PRDM16: variants seen among roughly 807,000 people sequenced by gnomAD.
PRDM16 encodes PR/SET domain 16.
In PRDM16, 23 loss-of-function variants were observed where a neutral mutation model predicts 110.6. The ratio of observed to expected loss-of-function variants is 0.21; its 90% CI spans 0.15 to 0.29. The LOEUF is 0.29. Ranked by LOEUF, PRDM16 falls within the 10% of genes least tolerant of loss-of-function variation. The pLI, the probability that PRDM16 is intolerant of heterozygous loss-of-function variation, is 1.00. For synonymous variants in PRDM16, 799 were observed against 781.8 expected, an observed-to-expected ratio of 1.02 and a Z score of -0.37; for missense variants, 1,615 against 1,794.3, an observed-to-expected ratio of 0.90 and a Z score of 1.81.
intron 14 of PRDM16, among the ~76,000 whole-genome samples, chr1:3,426,450 C>A (rs569694733): frequency 1.3e-5 from 2 of 152,170 alleles, no homozygotes; most frequent in Admixed American, 6.5e-5. Flanking sequence ...AGAGTAAGCA[C>A]CCCTGGGCTT....
At chr1:3,135,106 C>A (rs993735031) in intron 1 of PRDM16, among the ~76,000 whole-genome samples, 1 of 152,212 alleles carries the variant, frequency 6.6e-6, no homozygotes, top group Non-Finnish European at 1.5e-5. Flanking sequence ...CTCGGGAGCT[C>A]GCTCTTTATT....
At chr1:3,301,380 A>C (rs1390344382) in intron 3 of PRDM16, among the ~76,000 whole-genome samples, 1 of 152,024 alleles carries the variant, frequency 6.6e-6, no homozygotes, top group Non-Finnish European at 1.5e-5. Context: ...GGAGGAAAAG[A>C]AAGCTTGCCA....
At chr1:3,394,075 C>A (rs1203291093) in intron 4 of PRDM16, among the ~76,000 whole-genome samples, 2 of 151,898 alleles carry the variant, frequency 1.3e-5, no homozygotes, top group African/African-American at 4.8e-5. Flanking sequence ...CCCTCGGAGC[C>A]GGGGTGGGGT....
intron 1 of PRDM16, among the ~76,000 whole-genome samples, chr1:3,082,284 G>A (rs1483420844): frequency 2.0e-5 from 3 of 152,194 alleles, no homozygotes; most frequent in Non-Finnish European, 2.9e-5. Flanking sequence ...TGTTCCTTGG[G>A]TTCTGCAGGA....
chr1:3,356,422 C>T (rs1642603208), intron 3 of PRDM16, among the ~76,000 whole-genome samples: 1 of 152,222 alleles, frequency 6.6e-6, no homozygotes, highest in South Asian at 2.1e-4. Flanking sequence ...CCCAATCTGC[C>T]CTCCGGGGAG....
chr1:3,217,731 A>G, intron 2 of PRDM16, among the ~76,000 whole-genome samples: 1 of 152,108 alleles, frequency 6.6e-6, no homozygotes, highest in East Asian at 1.9e-4. Flanking sequence ...TTTTTTTTCA[A>G]CACGGGAGAG....
At chr1:3,227,870 A>G (rs577605638) in intron 2 of PRDM16, among the ~76,000 whole-genome samples, 2 of 152,352 alleles carry the variant, frequency 1.3e-5, no homozygotes, top group South Asian at 4.1e-4. Flanking sequence ...GGGGCTTTAG[A>G]GCCGGCGTTC....
rs9424294 is a variant in PRDM16, at chr1:3,381,239, C to T, written c.439-3913C>T. On this transcript the variant is annotated intron_variant, in intron 3 of 16. Transcript: ENST00000270722. ...CATACATTTGCACCATGCAGGAACACGCCCACACACAAGCACACACCCAGA... is the reference window on the plus strand; with the variant it reads ...CATACATTTGCACCATGCAGGAACATGCCCACACACAAGCACACACCCAGA... 4.0e-3 allele frequency among the ~76,000 whole-genome samples: 606 copies of T among 152,274 alleles called. 3 individuals are homozygous for T. Among genetic ancestry groups the T allele is most frequent in the African/African-American group, 0.014 (576 of 41,538 alleles).
chr1:3,260,419 C>A lies in PRDM16; in HGVS notation c.438+16282C>A, dbSNP rs907427366. On this transcript the variant is annotated intron_variant, in intron 3 of 16. Coordinates refer to ENST00000270722, the MANE Select transcript of PRDM16 (RefSeq NM_022114.4). ...AGGCAAAGGGCTCTGTAAGAAAACT[C>A]CTTTATCCTACTGACACCTTAATTT... 3.9e-5 allele frequency among the ~76,000 whole-genome samples: 6 copies of A among 152,166 alleles called. 1 individual carries two copies. Among genetic ancestry groups the A allele is most frequent in the Admixed American group, 3.9e-4 (6 of 15,290 alleles).
At chr1:3,322,969 C>T (rs530425951) in intron 3 of PRDM16, among the ~76,000 whole-genome samples, 1 of 152,322 alleles carries the variant, frequency 6.6e-6, no homozygotes, top group African/African-American at 2.4e-5. Flanking sequence ...CTCTCTAGGC[C>T]CCAGTGCCCA....
rs1482765926 is a variant in PRDM16, at chr1:3,365,429, C to A, written c.439-19723C>A. Reference sequence around the variant, plus strand: ...GAAGGAGAGGCAGTGAGGAGGGGACCTCCTGGCCAATACAAGTGCTCCCTC... The same window carrying A: ...GAAGGAGAGGCAGTGAGGAGGGGACATCCTGGCCAATACAAGTGCTCCCTC... On this transcript the variant is annotated intron_variant, in intron 3 of 16. Transcript: ENST00000270722. Among the ~76,000 whole-genome samples, 4 of 152,334 alleles carry A rather than the reference C, an allele frequency of 2.6e-5. No individual in the cohort carries two copies. The East Asian group carries it at 7.7e-4, about 29-fold the overall frequency.
chr1:3,431,118 G>A lies in PRDM16; in HGVS notation c.3521+10G>A. ...TTGACCACACCCGAAGGTGGGGGCA[G>A]CCGTGTGCTCCAGGATGGGGCAGGG... On this transcript the variant is annotated intron_variant, in intron 15 of 16. Transcript: ENST00000270722. 4 of 1,548,902 alleles carry A rather than the reference G, an allele frequency of 2.6e-6. No homozygotes were observed. Among genetic ancestry groups the A allele is most frequent in the Non-Finnish European group, 3.5e-6 (4 of 1,146,608 alleles).
intron 3 of PRDM16, among the ~76,000 whole-genome samples, chr1:3,305,099 C>T (rs1557593931): frequency 1.3e-5 from 2 of 152,180 alleles, no homozygotes; most frequent in Admixed American, 1.3e-4. Flanking sequence ...CTGTGTAGTG[C>T]TCCAGGCCGG....
At chr1:3,076,204 A>T (rs1641896183) in intron 1 of PRDM16, among the ~76,000 whole-genome samples, 2 of 152,126 alleles carry the variant, frequency 1.3e-5, no homozygotes, top group South Asian at 4.1e-4. Context: ...GGGTGTGTCC[A>T]AGCACGTGTG....
chr1:3,358,528 C>G lies in PRDM16; in HGVS notation c.439-26624C>G, dbSNP rs1475959239. On this transcript the variant is annotated intron_variant, in intron 3 of 16. Coordinates refer to ENST00000270722, the MANE Select transcript of PRDM16 (RefSeq NM_022114.4). This position sits in a 1 kb window ranked among gnomAD's most constrained non-coding sequence, Gnocchi z 4.0. ...AGCTGGAATAAGGTTCCAGTGTTCC[C>G]TTTCCCGTCACCAGGCAGAGCCCCG... 6.6e-6 allele frequency among the ~76,000 whole-genome samples: 1 copy of G among 152,182 alleles called. No homozygotes were observed. The highest frequency in any genetic ancestry group is 1.9e-4 in the East Asian group (1 of 5,176).
intron 3 of PRDM16, among the ~76,000 whole-genome samples, chr1:3,348,591 C>G (rs759934726): frequency 1.3e-5 from 2 of 152,240 alleles, no homozygotes; most frequent in Non-Finnish European, 2.9e-5. Context: ...GCCATGGCCT[C>G]CAGCAGAAGG....
At position 3,245,612 on chromosome 1, in the gene PRDM16, C is replaced by A. The variant is rs570474221; in HGVS notation, c.438+1475C>A. On this transcript the variant is annotated intron_variant, in intron 3 of 16. Transcript: ENST00000270722. The surrounding 1 kb of genome is among the most constrained non-coding windows in gnomAD (Gnocchi z 4.7). ...CAAGGTGTCGGCTCTCAGTCCCCGC[C>A]GTCCACAGGATGCCTGAGGTCTTCC... Among the ~76,000 whole-genome samples the A allele has an allele frequency of 6.6e-6, 1 of 152,188 alleles. No individual in the cohort carries two copies. Among genetic ancestry groups the A allele is most frequent in the East Asian group, 1.9e-4 (1 of 5,196 alleles).
chr1:3,130,844 C>A (rs1410381193), intron 1 of PRDM16, among the ~76,000 whole-genome samples: 1 of 150,562 alleles, frequency 6.6e-6, no homozygotes, highest in Non-Finnish European at 1.5e-5. Context: ...GCACACGGTT[C>A]TGGGTTTCAC....
rs995160045 is a variant in PRDM16 at position 3,230,791 on chromosome 1, G to A, written c.388-13296G>A. Among the ~76,000 whole-genome samples, 12 of 152,224 alleles carry A rather than the reference G, an allele frequency of 7.9e-5. No individual in the cohort carries two copies. The East Asian group carries it at 1.7e-3, about 22-fold the overall frequency. On this transcript the variant is annotated intron_variant, in intron 2 of 16. Coordinates refer to ENST00000270722, the MANE Select transcript of PRDM16 (RefSeq NM_022114.4). ...GCACCTTCCTTCCCCACACCTGCCC[G>A]GTGCGACCGCACTGCAGCCTCGGGC... is the stretch of plus-strand genomic sequence containing the variant.
Sources: allele counts gnomAD v4.1 joint callset (sites outside exome capture counted in the v4.1 genomes callset), GRCh38; gene constraint gnomAD v4.1.1; non-coding constraint Gnocchi (gnomAD v3.1); transcripts MANE v1.5; gene names NCBI Gene and HGNC (gene_info 2026-07-23, HGNC 2026-07-21).